Variants in OLA1 observed in about 807,000 individuals in gnomAD.
OLA1 encodes the protein obg-like ATPase 1.
In OLA1, 14 loss-of-function variants were observed where a neutral mutation model predicts 48.4. That is an observed-to-expected ratio of 0.29 (90% CI 0.19 to 0.45). The LOEUF is 0.45. OLA1 is among the 20% of genes least tolerant of loss of function. OLA1 has a pLI of 1.00. For synonymous variants in OLA1, 127 were observed against 150.4 expected, an observed-to-expected ratio of 0.84 and a Z score of 1.14; for missense variants, 325 against 467.1, an observed-to-expected ratio of 0.70 and a Z score of 2.80.
At chr2:174,236,901 G>A (rs75724106) in intron 2 of OLA1, among the ~76,000 whole-genome samples, 9,799 of 152,234 alleles carry the variant, frequency 0.064, 376 homozygotes, top group Middle Eastern at 0.14. Flanking sequence ...AATGAGTGAT[G>A]GTGAGTGAAT....
At chr2:174,231,715 A>G (rs2105457833) in intron 2 of OLA1, among the ~76,000 whole-genome samples, 1 of 152,346 alleles carries the variant, frequency 6.6e-6, no homozygotes, top group South Asian at 2.1e-4. Context: ...TGAATATTAA[A>G]TGTCGTGAAA....
intron 4 of OLA1, among the ~76,000 whole-genome samples, chr2:174,168,416 CAT>C (rs763954569): frequency 1.1e-4 from 16 of 151,942 alleles, no homozygotes; most frequent in Non-Finnish European, 1.8e-4. Context: ...ACCCGCTACA[CAT>C]ATGAGAGAAA....
intron 4 of OLA1, among the ~76,000 whole-genome samples, chr2:174,215,081 T>C (rs1162323346): frequency 3.3e-5 from 5 of 151,166 alleles, no homozygotes; most frequent in Non-Finnish European, 7.4e-5. Context: ...AAAAGCAAAC[T>C]TCGGAAGAAA....
chr2:174,123,690 G>A lies in OLA1; in HGVS notation c.550-15C>T. On this transcript the variant is annotated splice_polypyrimidine_tract_variant and intron_variant, in intron 5 of 10. Transcript: ENST00000284719. ...CACATTATATCCTACACATGATTGAGAAAAAGGTAAATATATATGAATAAC... is the reference window on the plus strand; with the variant it reads ...CACATTATATCCTACACATGATTGAAAAAAAGGTAAATATATATGAATAAC... 1 of 1,395,618 alleles carries A rather than the reference G, an allele frequency of 7.2e-7. No homozygotes were observed. The highest frequency in any genetic ancestry group is 9.8e-7 in the Non-Finnish European group (1 of 1,021,376). The allele number at this position is 1,395,618 out of a possible 1,614,324, so 86.5% of individuals were successfully genotyped here.
At chr2:174,109,286 G>C (rs1404369640) in intron 7 of OLA1, among the ~76,000 whole-genome samples, 1 of 151,944 alleles carries the variant, frequency 6.6e-6, no homozygotes, top group Non-Finnish European at 1.5e-5. Flanking sequence ...AAACTTCCCA[G>C]TCTACCCCAC....
intron 4 of OLA1, 52 bp from the exon 5 acceptor site, chr2:174,142,052 C>G (rs1686465464): frequency 6.8e-7 from 1 of 1,460,828 alleles, no homozygotes; most frequent in African/African-American, 1.4e-5. Flanking sequence ...ACAGCGTGTT[C>G]ATTATGATAG....
At chr2:174,209,275 T>A (rs1688187131) in intron 4 of OLA1, among the ~76,000 whole-genome samples, 1 of 152,182 alleles carries the variant, frequency 6.6e-6, no homozygotes, top group African/African-American at 2.4e-5. Context: ...CTCATAAAAA[T>A]AATTCTGTAT....
At chr2:174,115,020 A>C (rs1035899223) in intron 7 of OLA1, among the ~76,000 whole-genome samples, 2 of 152,148 alleles carry the variant, frequency 1.3e-5, no homozygotes, top group African/African-American at 4.8e-5. Context: ...AGGGAGGTCC[A>C]GACTGCAATG....
At chr2:174,130,261 T>A (rs1334133310) in intron 5 of OLA1, among the ~76,000 whole-genome samples, 1 of 152,104 alleles carries the variant, frequency 6.6e-6, no homozygotes, top group Non-Finnish European at 1.5e-5. Context: ...CTGGACAACA[T>A]CTTTCTATAT....
chr2:174,122,737 C>CTT (rs57470671), intron 7 of OLA1, among the ~76,000 whole-genome samples: 21 of 136,710 alleles, frequency 1.5e-4, no homozygotes, highest in South Asian at 7.1e-4. Flanking sequence ...CACACACAGT[C>CTT]TTTTTTTTTT....
In OLA1 at chr2:174,113,044, G is replaced by T. The variant is rs1457247786; in HGVS notation, c.728+10136C>A. Among the ~76,000 whole-genome samples, 5 of 152,116 alleles carry T rather than the reference G, an allele frequency of 3.3e-5. No individual in the cohort carries two copies. The South Asian group carries it at 1.0e-3, about 32-fold the overall frequency. ...CAACCTCCATCTCCCAGGCTCAAGC[G>T]ATTCTCCTGCCTCAGCCTCCCGAGT... is the stretch of plus-strand genomic sequence containing the variant. On this transcript the variant is annotated intron_variant, in intron 7 of 10. Transcript: ENST00000284719.
In OLA1 at chr2:174,074,001, G is replaced by A. The variant is rs1413244595; in HGVS notation, c.*1425C>T. On this transcript the variant is annotated 3_prime_UTR_variant, in exon 11 of 11. Coordinates refer to ENST00000284719, the MANE Select transcript of OLA1 (RefSeq NM_013341.5). ...ATACTAAAAAAATACTCACTGGAGA[G>A]CTTCTAAATTATACTCACGACTCAA... 1 of 152,196 alleles carries A rather than the reference G, an allele frequency of 6.6e-6. No individual in the cohort carries two copies. Among genetic ancestry groups the A allele is most frequent in the African/African-American group, 2.4e-5 (1 of 41,452 alleles). 9.4% of individuals were successfully genotyped at this position (152,196 alleles called of 1,614,324 possible). A position where few individuals can be genotyped will look rare whatever the true frequency, so the allele number is the denominator to read the frequency against.
At chr2:174,110,449 G>C (rs989421944) in intron 7 of OLA1, among the ~76,000 whole-genome samples, 1 of 151,238 alleles carries the variant, frequency 6.6e-6, no homozygotes, top group Admixed American at 6.6e-5. Context: ...ACCGTGCCCG[G>C]CCAATTTTTT....
chr2:174,116,677 T>C (rs564391699), intron 7 of OLA1, among the ~76,000 whole-genome samples: 108 of 152,336 alleles, frequency 7.1e-4, no homozygotes, highest in African/African-American at 2.5e-3. Flanking sequence ...AAAGTTACTA[T>C]GGCAAACCTA....
intron 4 of OLA1, among the ~76,000 whole-genome samples, chr2:174,150,011 G>A (rs898765735): frequency 1.3e-5 from 2 of 152,194 alleles, no homozygotes; most frequent in African/African-American, 4.8e-5. Context: ...GTATTGAAGA[G>A]TAGAGGCTTC....
intron 4 of OLA1, among the ~76,000 whole-genome samples, chr2:174,173,242 T>C (rs1687347316): frequency 6.6e-6 from 1 of 152,244 alleles, no homozygotes; most frequent in Non-Finnish European, 1.5e-5. Flanking sequence ...ACCATCATCC[T>C]GTTTAGTCAT....
At chr2:174,144,129 C>G (rs1235888023) in intron 4 of OLA1, among the ~76,000 whole-genome samples, 1 of 151,938 alleles carries the variant, frequency 6.6e-6, no homozygotes, top group Non-Finnish European at 1.5e-5. Flanking sequence ...AAAACAAAAA[C>G]CTACCAAAAA....
At chr2:174,188,585 T>C (rs1687708130) in intron 4 of OLA1, among the ~76,000 whole-genome samples, 1 of 152,106 alleles carries the variant, frequency 6.6e-6, no homozygotes. Context: ...TGTTAAGTAC[T>C]TAGATGTAAA....
chr2:174,114,909 C>T (rs186782426), intron 7 of OLA1, among the ~76,000 whole-genome samples: 2 of 152,164 alleles, frequency 1.3e-5, no homozygotes, highest in East Asian at 3.9e-4. Context: ...GCACGTGGAT[C>T]GCTTGAGCCA....
Sources: gnomAD v4.1 joint callset for allele counts (sites outside exome capture counted in the v4.1 genomes callset) on GRCh38, gnomAD v4.1.1 for gene constraint, MANE v1.5 for transcripts, NCBI Gene and HGNC (gene_info 2026-07-23, HGNC 2026-07-21) for gene names.